Variants in PKHD1 observed in about 807,000 individuals in gnomAD.
PKHD1 encodes fibrocystin.
A neutral mutation model predicts 412.0 loss-of-function variants in PKHD1; 291 were observed. That is an observed-to-expected ratio of 0.71 (90% CI 0.64 to 0.78). PKHD1 has a LOEUF of 0.78. Ranked by LOEUF, PKHD1 falls within the 30% of genes least tolerant of loss-of-function variation. The pLI, the probability that PKHD1 is intolerant of heterozygous loss-of-function variation, is 0.00. For missense variants in PKHD1, 4,825 were observed against 4,950.7 expected (o/e 0.97, Z 0.76); for synonymous variants, 1,777 against 1,821.5 (o/e 0.98, Z 0.62).
chr6:52,050,023 G>T, intron 22 of PKHD1, 134 bp downstream of exon 22: 1 of 814,492 alleles, frequency 1.2e-6, no homozygotes, highest in Non-Finnish European at 2.1e-6. Context: ...ATCTGGTGCT[G>T]CATTCTCAAG....
chr6:51,880,921 G>C (rs1312052689), intron 46 of PKHD1, among the ~76,000 whole-genome samples: 7 of 147,916 alleles, frequency 4.7e-5, no homozygotes, highest in Admixed American at 4.7e-4. Flanking sequence ...AGCCAAGATC[G>C]CGCCACTGCA....
At chr6:51,802,860 C>T (rs575725728) in intron 52 of PKHD1, among the ~76,000 whole-genome samples, 4 of 150,928 alleles carry the variant, frequency 2.7e-5, no homozygotes, top group South Asian at 4.2e-4. Context: ...TAATTTTCCT[C>T]GGTATTATTG....
chr6:51,938,494 A>AC (rs34850644), intron 36 of PKHD1, among the ~76,000 whole-genome samples: 44,879 of 123,304 alleles, frequency 0.36, 8,495 homozygotes, highest in African/African-American at 0.48. Flanking sequence ...GCACGCTGTG[A>AC]CCCCCCACTC....
chr6:51,873,635 GAA>G (rs1776358317), intron 46 of PKHD1, among the ~76,000 whole-genome samples: 1 of 152,148 alleles, frequency 6.6e-6, no homozygotes, highest in South Asian at 2.1e-4. Flanking sequence ...AAATACTAGA[GAA>G]AGGTAACATA....
intron 35 of PKHD1, among the ~76,000 whole-genome samples, chr6:51,981,061 GA>G (rs1484208107): frequency 6.6e-6 from 1 of 151,954 alleles, no homozygotes; most frequent in Admixed American, 6.6e-5. Flanking sequence ...TCAAAAATGG[GA>G]AAAAGCTACA....
At chr6:51,742,031 C>A (rs1784617412) in intron 60 of PKHD1, among the ~76,000 whole-genome samples, 2 of 152,164 alleles carry the variant, frequency 1.3e-5, no homozygotes, top group African/African-American at 2.4e-5. Flanking sequence ...TGGAATAATT[C>A]TTAAAACCAA....
chr6:51,904,524 A>G (rs1030630840), intron 41 of PKHD1, among the ~76,000 whole-genome samples: 3 of 152,202 alleles, frequency 2.0e-5, no homozygotes, highest in Admixed American at 1.3e-4. Context: ...AGGGCTATCA[A>G]TAAAGAGCTG....
At chr6:52,006,343 TG>T (rs1237530873) in intron 35 of PKHD1, among the ~76,000 whole-genome samples, 1 of 148,732 alleles carries the variant, frequency 6.7e-6, no homozygotes, top group Non-Finnish European at 1.5e-5. Context: ...GCTGATTTTT[TG>T]GTTTGTTTTT....
intron 36 of PKHD1, among the ~76,000 whole-genome samples, chr6:51,952,284 T>C (rs564999550): frequency 6.6e-6 from 1 of 152,262 alleles, no homozygotes; most frequent in Admixed American, 6.5e-5. Context: ...TAAATAAAAT[T>C]GGTCACTGTC....
chr6:51,920,935 G>T (rs1040517677), intron 37 of PKHD1, among the ~76,000 whole-genome samples: 2 of 152,048 alleles, frequency 1.3e-5, no homozygotes, highest in East Asian at 3.9e-4. Flanking sequence ...ATTCTCTGAT[G>T]GTTGTTTATA....
intron 43 of PKHD1, among the ~76,000 whole-genome samples, chr6:51,901,374 C>T (rs1019456672): frequency 3.9e-5 from 6 of 152,124 alleles, no homozygotes; most frequent in Admixed American, 3.9e-4. Context: ...TTTGTAGGGA[C>T]ATGGATGAAA....
chr6:51,888,426 A>T (rs1778548291), intron 43 of PKHD1, among the ~76,000 whole-genome samples: 1 of 152,106 alleles, frequency 6.6e-6, no homozygotes, highest in South Asian at 2.1e-4. Context: ...TAAAAAACTG[A>T]CTTCCTAAAG....
chr6:51,843,801 C>T (rs1376748839), intron 50 of PKHD1, among the ~76,000 whole-genome samples: 3 of 152,160 alleles, frequency 2.0e-5, no homozygotes, highest in African/African-American at 7.2e-5. Flanking sequence ...ATAAGTAGCT[C>T]CTTGGGCAAA....
chr6:52,086,354 C>T (rs1032613082), intron 1 of PKHD1, among the ~76,000 whole-genome samples: 1 of 151,872 alleles, frequency 6.6e-6, no homozygotes, highest in Non-Finnish European at 1.5e-5. Context: ...CAAGTGATCT[C>T]CCTGCCTCAG....
intron 64 of PKHD1, among the ~76,000 whole-genome samples, chr6:51,636,657 T>C (rs1179713023): frequency 1.3e-5 from 2 of 152,138 alleles, no homozygotes; most frequent in African/African-American, 4.8e-5. Context: ...TTGAAGCCTA[T>C]TAGAAATAAG....
At chr6:51,929,128 G>T (rs562369168) in intron 37 of PKHD1, among the ~76,000 whole-genome samples, 1 of 152,172 alleles carries the variant, frequency 6.6e-6, no homozygotes, top group Non-Finnish European at 1.5e-5. Flanking sequence ...GGTGACGAGA[G>T]AGTGGAGATT....
intron 21 of PKHD1, among the ~76,000 whole-genome samples, chr6:52,051,113 C>G (rs1314157504): frequency 6.6e-6 from 1 of 152,220 alleles, no homozygotes; most frequent in Non-Finnish European, 1.5e-5. Context: ...TAAATGATTA[C>G]TTGCTCAGCT....
rs958140533 is a variant in PKHD1, at chr6:51,867,894, C to T, written c.7702G>A (p.Gly2568Ser). ...RVVHGSACGG[G>S]VLFHRMSIGL... The stretch of plus-strand genomic sequence containing the variant: ...ATAGACATACGATGAAAAAGAACAC[C>T]TCCTCCACAGGCACTGCCATGGACA... The change falls in exon 48 of 67, where the codon GGT (glycine) becomes AGT (serine). Residue 2568 changes from glycine to serine, a missense_variant. Transcript: ENST00000371117. 28 of 1,613,244 alleles carry T rather than the reference C, an allele frequency of 1.7e-5. No homozygotes were observed. The highest frequency in any genetic ancestry group is 2.3e-5 in the Non-Finnish European group (27 of 1,179,466).
At position 51,659,620 on chromosome 6, in the gene PKHD1, C is replaced by T; in HGVS notation, c.10506G>A (p.Glu3502=). 1.2e-6 allele frequency: 2 copies of T among 1,613,710 alleles called. No individual in the cohort carries two copies. Among genetic ancestry groups the T allele is most frequent in the Non-Finnish European group, 1.7e-6 (2 of 1,179,828 alleles). The change falls in exon 61 of 67, where the codon GAG becomes GAA. Residue 3502 remains glutamate, a synonymous_variant. Coordinates refer to ENST00000371117, the MANE Select transcript of PKHD1 (RefSeq NM_138694.4). ...CTAAGAAGACGTGGGGGCTCTGGAG[C>T]TCATGGTAGAATACAGCCAAGAGAA... ...SKLLLAVFYH[E]LQSPHVFLGE...
Sources: allele counts gnomAD v4.1 joint callset (sites outside exome capture counted in the v4.1 genomes callset), GRCh38; gene constraint gnomAD v4.1.1; transcripts MANE v1.5; gene names NCBI Gene and HGNC (gene_info 2026-07-23, HGNC 2026-07-21).